MAP3K13: variants seen among roughly 807,000 people sequenced by gnomAD.
MAP3K13 encodes leucine zipper-bearing kinase.
A neutral mutation model predicts 104.0 loss-of-function variants in MAP3K13; 52 were observed. That is an observed-to-expected ratio of 0.50 (90% CI 0.40 to 0.63). The LOEUF (loss-of-function observed/expected upper bound fraction) is 0.63, where lower values mean the gene tolerates loss of function less well. Among genes scored for constraint, MAP3K13 ranks in the 20% least tolerant of loss-of-function variants. The pLI, the probability that MAP3K13 is intolerant of heterozygous loss-of-function variation, is 0.00. For synonymous variants in MAP3K13, 394 were observed against 442.2 expected (o/e 0.89, Z 1.37); for missense variants, 914 against 1,218.5 (o/e 0.75, Z 3.72).
chr3:185,365,930 TCCCTCCCTCCCTCCCTCCCTC>T (rs1723866187), intron 1 of MAP3K13, among the ~76,000 whole-genome samples: 3 of 13,760 alleles, frequency 2.2e-4, no homozygotes, highest in Non-Finnish European at 4.5e-4. Flanking sequence ...CCCTTTCCCT[TCCCTCCCTCCCTCCCTCCCTC>T]CCTTCCTTCC....
intron 2 of MAP3K13, among the ~76,000 whole-genome samples, chr3:185,321,145 A>C (rs548388412): frequency 6.7e-6 from 1 of 150,278 alleles, no homozygotes; most frequent in Non-Finnish European, 1.5e-5. Context: ...TGTATATTAC[A>C]TATATGCGTG....
Position 185,455,834 on chromosome 3 carries a change from TATATATATGAG to T in MAP3K13, c.1278+4467_1278+4477del, listed in dbSNP as rs1347984172. Among the ~76,000 whole-genome samples the T allele has an allele frequency of 5.9e-3, 60 of 10,110 alleles. 2 individuals are homozygous for T. The highest frequency in any genetic ancestry group is 7.4e-3 in the African/African-American group (52 of 7,046). 6.6% of individuals were successfully genotyped at this position (10,110 alleles called of 152,430 possible). A position where few individuals can be genotyped will look rare whatever the true frequency, so the allele number is the denominator to read the frequency against. ...ATATATATATGAGATATATATGAGA[TATATATATGAG>T]ATATATATGAGATATATATGAGATA... On this transcript the variant is annotated intron_variant, in intron 7 of 13. Coordinates refer to ENST00000265026, the MANE Select transcript of MAP3K13 (RefSeq NM_004721.5).
chr3:185,484,790 TATA>T lies in MAP3K13; in HGVS notation c.*2338_*2340del, dbSNP rs907401899. ...CATTATTATCATTGTTATTTTATTT[TATA>T]ATATTATCATTCTCATTTTCTGTCG... On this transcript the variant is annotated 3_prime_UTR_variant, in exon 14 of 14. Transcript: ENST00000265026. 1 of 152,236 alleles carries T rather than the reference TATA, an allele frequency of 6.6e-6. No individual in the cohort carries two copies. The highest frequency in any genetic ancestry group is 1.9e-4 in the East Asian group (1 of 5,202). The allele number at this position is 152,236 out of a possible 1,614,324, so 9.4% of individuals were successfully genotyped here. A position where few individuals can be genotyped will look rare whatever the true frequency, so the allele number is the denominator to read the frequency against.
At chr3:185,365,475 G>A (rs1723825804) in intron 1 of MAP3K13, among the ~76,000 whole-genome samples, 1 of 152,218 alleles carries the variant, frequency 6.6e-6, no homozygotes, top group Non-Finnish European at 1.5e-5. Flanking sequence ...CCATACTTCA[G>A]ATGGCAAAAC....
intron 2 of MAP3K13, among the ~76,000 whole-genome samples, chr3:185,321,095 T>C (rs568417035): frequency 3.0e-4 from 45 of 151,306 alleles, no homozygotes; most frequent in Admixed American, 3.9e-4. Flanking sequence ...CATATACACA[T>C]GCGTGCACAC....
intron 5 of MAP3K13, 179 bp downstream of exon 5, chr3:185,448,126 A>T: frequency 1.3e-6 from 1 of 775,546 alleles, no homozygotes; most frequent in South Asian, 1.4e-5. Context: ...GGGGAGAAGG[A>T]TTAGGGGGAA....
chr3:185,437,642 C>CTT lies in MAP3K13; in HGVS notation c.659+22_659+23dup, dbSNP rs5855064. On this transcript the variant is annotated intron_variant, in intron 3 of 13. Coordinates refer to ENST00000265026, the MANE Select transcript of MAP3K13 (RefSeq NM_004721.5). ...ATCATCGCATTCAAGTAGGTCAAGG[C>CTT]TTTTTTTTTTTAAGAAGTAGACCTA... 264,198 of 1,188,676 alleles carry CTT rather than the reference C, an allele frequency of 0.22. 5,287 individuals are homozygous for CTT. Among genetic ancestry groups the CTT allele is most frequent in the South Asian group, 0.28 (18,274 of 65,140 alleles). 73.6% of individuals were successfully genotyped at this position (1,188,676 alleles called of 1,614,324 possible). A position where few individuals can be genotyped will look rare whatever the true frequency, so the allele number is the denominator to read the frequency against.
intron 1 of MAP3K13, among the ~76,000 whole-genome samples, chr3:185,411,332 A>G (rs928208426): frequency 6.6e-6 from 1 of 152,246 alleles, no homozygotes. Context: ...CTCACAGTTT[A>G]CTCATATGAA....
At chr3:185,294,088 G>A (rs1720836514) in intron 2 of MAP3K13, among the ~76,000 whole-genome samples, 1 of 152,166 alleles carries the variant, frequency 6.6e-6, no homozygotes, top group Admixed American at 6.5e-5. Flanking sequence ...ACTAAGTAGA[G>A]AGAGGCTATC....
At chr3:185,414,436 A>G (rs1361721577) in intron 1 of MAP3K13, among the ~76,000 whole-genome samples, 1 of 152,236 alleles carries the variant, frequency 6.6e-6, no homozygotes, top group East Asian at 1.9e-4. Flanking sequence ...CTACTCTTAC[A>G]AACTTATGAG....
At position 185,473,708 on chromosome 3, in the gene MAP3K13, T is replaced by A; in HGVS notation, c.2377T>A (p.Ser793Thr). Residue 793 changes from serine to threonine, a missense_variant, in exon 11 of 14, where the codon TCT becomes ACT. This residue lies in a region of MAP3K13 where 583 missense variants were observed against 737.4 expected (regional missense o/e 0.79). Coordinates refer to ENST00000265026, the MANE Select transcript of MAP3K13 (RefSeq NM_004721.5). This position sits in a 1 kb window ranked among gnomAD's most constrained non-coding sequence, Gnocchi z 4.9. ...TAGGTCTGAGTCATCCCTCGGCACCTCTCATCTCGGCACCCCTCCAGCGCT... is the reference window on the plus strand; with the variant it reads ...TAGGTCTGAGTCATCCCTCGGCACCACTCATCTCGGCACCCCTCCAGCGCT... ...GCRSESSLGT[S>T]HLGTPPALPR... 6.2e-7 allele frequency: 1 copy of A among 1,613,986 alleles called. No individual in the cohort carries two copies. Among genetic ancestry groups the A allele is most frequent in the Non-Finnish European group, 8.5e-7 (1 of 1,180,026 alleles).
upstream of MAP3K13, among the ~76,000 whole-genome samples, chr3:185,362,032 C>T (rs1723648458): frequency 6.6e-6 from 1 of 152,172 alleles, no homozygotes; most frequent in African/African-American, 2.4e-5. Flanking sequence ...AACAGGCCAC[C>T]ACTTTCCTTC....
At chr3:185,417,750 C>T in intron 1 of MAP3K13, 9 of 1,612,550 alleles carry the variant, frequency 5.6e-6, no homozygotes, top group African/African-American at 1.3e-5. Flanking sequence ...GATTCCTGGC[C>T]TGGCGAAGAA....
At chr3:185,403,179 G>A (rs1712913515) in intron 1 of MAP3K13, among the ~76,000 whole-genome samples, 1 of 152,152 alleles carries the variant, frequency 6.6e-6, no homozygotes. Context: ...CTAATCAAAA[G>A]AGTTTAATTC....
intron 2 of MAP3K13, among the ~76,000 whole-genome samples, chr3:185,351,259 C>G (rs1407955776): frequency 6.6e-6 from 1 of 152,108 alleles, no homozygotes; most frequent in Non-Finnish European, 1.5e-5. Context: ...TGTTTATTAC[C>G]TGGGTGATGA....
chr3:185,378,130 T>C, intron 1 of MAP3K13, among the ~76,000 whole-genome samples: 1 of 152,242 alleles, frequency 6.6e-6, no homozygotes, highest in South Asian at 2.1e-4. Context: ...AGAAATACAT[T>C]GCTACTTGGC....
At chr3:185,478,968 T>C (rs932565070) in intron 12 of MAP3K13, among the ~76,000 whole-genome samples, 5 of 152,060 alleles carry the variant, frequency 3.3e-5, no homozygotes, top group Non-Finnish European at 5.9e-5. Context: ...GAAGTCTTTA[T>C]TATTTGTTTT....
Position 185,403,951 on chromosome 3 carries a change from A to G in MAP3K13, c.-85-24546A>G, listed in dbSNP as rs575997740. Among the ~76,000 whole-genome samples the G allele has an allele frequency of 9.2e-5, 14 of 152,292 alleles. 1 individual carries two copies. Among genetic ancestry groups the G allele is most frequent in the African/African-American group, 3.4e-4 (14 of 41,556 alleles). ...TCCTTCCTTTCCTTTTACTTTGGAGAAGGTGCTGAAGAATAGGACTAAAAT... is the reference window on the plus strand; with the variant it reads ...TCCTTCCTTTCCTTTTACTTTGGAGGAGGTGCTGAAGAATAGGACTAAAAT... On this transcript the variant is annotated intron_variant, in intron 1 of 13. Coordinates refer to ENST00000265026, the MANE Select transcript of MAP3K13 (RefSeq NM_004721.5).
chr3:185,292,563 G>T, intron 2 of MAP3K13: 8 of 764,836 alleles, frequency 1.0e-5, no homozygotes, highest in Non-Finnish European at 1.3e-5. Flanking sequence ...CAGGGTTGTT[G>T]TGAGGATCAA....
Sources: allele counts gnomAD v4.1 joint callset (sites outside exome capture counted in the v4.1 genomes callset), GRCh38; gene constraint gnomAD v4.1.1; regional missense constraint gnomAD v4.1.1; non-coding constraint Gnocchi (gnomAD v3.1); transcripts MANE v1.5; gene names NCBI Gene and HGNC (gene_info 2026-07-23, HGNC 2026-07-21).